Variants in CNTN5 observed in about 807,000 individuals in gnomAD.
CNTN5 encodes the protein contactin 5, also known as contactin-5.
CNTN5 carries 77 observed loss-of-function variants against 129.1 expected under a neutral mutation model. That is an observed-to-expected ratio of 0.60 (90% CI 0.50 to 0.72). The LOEUF (loss-of-function observed/expected upper bound fraction) is 0.72. Ranked by LOEUF, CNTN5 falls within the 30% of genes least tolerant of loss-of-function variation. The pLI, the probability that CNTN5 is intolerant of heterozygous loss-of-function variation, is 0.00. For missense variants in CNTN5, 1,478 were observed against 1,328.8 expected (o/e 1.11, Z -1.75); for synonymous variants, 509 against 465.6 (o/e 1.09, Z -1.20).
chr11:99,901,245 C>T (rs1949348967), intron 6 of CNTN5, among the ~76,000 whole-genome samples: 1 of 152,024 alleles, frequency 6.6e-6, no homozygotes, highest in African/African-American at 2.4e-5. Context: ...GACATTAGAA[C>T]TATAAACTGG....
intron 21 of CNTN5, among the ~76,000 whole-genome samples, chr11:100,333,124 A>G (rs1951942409): frequency 6.6e-6 from 1 of 152,220 alleles, no homozygotes; most frequent in Non-Finnish European, 1.5e-5. Flanking sequence ...TAGCTCTGCT[A>G]TATGCCAACA....
rs923595104 is a variant in CNTN5, at chr11:100,295,426, C to A, written c.2315-2199C>A. On this transcript the variant is annotated intron_variant, in intron 18 of 24. Coordinates refer to ENST00000524871, the MANE Select transcript of CNTN5 (RefSeq NM_014361.4). ...AGTTTCTCAAAATGGAAATTTTCCC[C>A]AAAATGTTCACTTGTTTTTTTTTAA... Among the ~76,000 whole-genome samples, 4 of 151,086 alleles carry A rather than the reference C, an allele frequency of 2.6e-5. No individual in the cohort carries two copies. The East Asian group carries it at 7.8e-4, about 29-fold the overall frequency.
chr11:99,793,184 C>T (rs1053602963), intron 3 of CNTN5, among the ~76,000 whole-genome samples: 6 of 151,972 alleles, frequency 3.9e-5, no homozygotes, highest in African/African-American at 9.7e-5. Context: ...CTCAGCCTCC[C>T]GAGTAGCTGG....
chr11:100,091,532 G>T (rs1057457937), intron 13 of CNTN5, among the ~76,000 whole-genome samples: 4 of 144,558 alleles, frequency 2.8e-5, no homozygotes, highest in Admixed American at 1.4e-4. Flanking sequence ...GGGTTCAAAT[G>T]ATTCTCCTGC....
At chr11:99,074,736 A>G (rs920275198) in intron 1 of CNTN5, among the ~76,000 whole-genome samples, 1 of 152,218 alleles carries the variant, frequency 6.6e-6, no homozygotes, top group Non-Finnish European at 1.5e-5. Context: ...AGTAATTTAA[A>G]AAGTGTGATT....
chr11:99,384,429 T>A (rs1940794061), intron 2 of CNTN5, among the ~76,000 whole-genome samples: 1 of 152,202 alleles, frequency 6.6e-6, no homozygotes, highest in East Asian at 1.9e-4. Context: ...CTGATTGATA[T>A]TTGATTGCCA....
intron 6 of CNTN5, among the ~76,000 whole-genome samples, chr11:99,878,117 A>C (rs1948680169): frequency 6.6e-6 from 1 of 152,238 alleles, no homozygotes; most frequent in Non-Finnish European, 1.5e-5. Context: ...ATTGTAGAGC[A>C]GAAAGAAAGT....
rs1944441822 is a variant in CNTN5, at chr11:99,757,496, C to T, written c.56-62048C>T. 2.0e-5 allele frequency among the ~76,000 whole-genome samples: 3 copies of T among 151,584 alleles called. No individual in the cohort carries two copies. The South Asian group carries it at 6.3e-4, about 32-fold the overall frequency. On this transcript the variant is annotated intron_variant, in intron 3 of 24. Transcript: ENST00000524871. ...TATCTACAAATACCTCTTCCTTCAT[C>T]TTCACATGGAGCTGTGTGGCTCAGT...
chr11:99,685,665 G>A (rs894012475), intron 3 of CNTN5, among the ~76,000 whole-genome samples: 1 of 151,818 alleles, frequency 6.6e-6, no homozygotes, highest in Non-Finnish European at 1.5e-5. Flanking sequence ...AGCTTTCTTT[G>A]GTCAGTGTTC....
intron 1 of CNTN5, among the ~76,000 whole-genome samples, chr11:99,042,099 T>C (rs575225702): frequency 5.3e-5 from 8 of 152,306 alleles, no homozygotes; most frequent in Admixed American, 3.3e-4. Flanking sequence ...ATTGCATACA[T>C]AGCATAGCAT....
intron 1 of CNTN5, among the ~76,000 whole-genome samples, chr11:99,173,685 G>T (rs992131768): frequency 5.3e-5 from 8 of 152,166 alleles, no homozygotes; most frequent in African/African-American, 1.7e-4. Context: ...TTGAGAGCAG[G>T]CTAGAGAAGA....
At chr11:99,796,729 T>C (rs1945954735) in intron 3 of CNTN5, among the ~76,000 whole-genome samples, 1 of 151,684 alleles carries the variant, frequency 6.6e-6, no homozygotes, top group South Asian at 2.1e-4. Flanking sequence ...AGGGCTCAAG[T>C]CTCCTAGGGA....
At chr11:99,892,134 G>A (rs1420688793) in intron 6 of CNTN5, among the ~76,000 whole-genome samples, 1 of 152,124 alleles carries the variant, frequency 6.6e-6, no homozygotes, top group Non-Finnish European at 1.5e-5. Context: ...CTCTTGACAA[G>A]TATCTGTTCA....
chr11:100,146,092 A>G (rs1946843633), intron 13 of CNTN5, among the ~76,000 whole-genome samples: 1 of 152,206 alleles, frequency 6.6e-6, no homozygotes. Flanking sequence ...ATACCGCTGT[A>G]TAAATATAAG....
At chr11:99,239,567 ACACT>A (rs1861437450) in intron 1 of CNTN5, among the ~76,000 whole-genome samples, 1 of 152,182 alleles carries the variant, frequency 6.6e-6, no homozygotes, top group Non-Finnish European at 1.5e-5. Context: ...GAGTAGGAAA[ACACT>A]CATATCTTTC....
chr11:99,280,819 G>C (rs1863662382), intron 1 of CNTN5, among the ~76,000 whole-genome samples: 1 of 151,668 alleles, frequency 6.6e-6, no homozygotes, highest in Admixed American at 6.6e-5. Context: ...TATTCATGAA[G>C]TCAGCAGAAA....
At chr11:100,166,081 A>G (rs1157647432) in intron 13 of CNTN5, among the ~76,000 whole-genome samples, 1 of 151,774 alleles carries the variant, frequency 6.6e-6, no homozygotes, top group African/African-American at 2.4e-5. Flanking sequence ...CTCTGTTACC[A>G]GAAGCAAATC....
intron 9 of CNTN5, among the ~76,000 whole-genome samples, chr11:100,042,544 A>G (rs1289630331): frequency 1.3e-5 from 2 of 152,184 alleles, no homozygotes; most frequent in Admixed American, 6.6e-5. Flanking sequence ...CTTTCTTTTG[A>G]AATCATTAAA....
intron 1 of CNTN5, among the ~76,000 whole-genome samples, chr11:99,147,077 T>C (rs1444730922): frequency 1.3e-5 from 2 of 152,204 alleles, no homozygotes; most frequent in African/African-American, 4.8e-5. Flanking sequence ...TGAGATACTA[T>C]GTAAATATAA....
Sources: allele counts gnomAD v4.1 joint callset (sites outside exome capture counted in the v4.1 genomes callset), GRCh38; gene constraint gnomAD v4.1.1; transcripts MANE v1.5; gene names NCBI Gene and HGNC (gene_info 2026-07-23, HGNC 2026-07-21).